Variants in CELF4 observed in about 807,000 individuals in gnomAD.
CELF4 encodes the protein CUGBP Elav-like family member 4.
CELF4 carries 18 observed loss-of-function variants against 59.9 expected under a neutral mutation model. The ratio of observed to expected loss-of-function variants is 0.30; its 90% CI spans 0.21 to 0.45. The LOEUF is 0.45. Among genes scored for constraint, CELF4 ranks in the 20% least tolerant of loss-of-function variants. The probability of loss-of-function intolerance (pLI) is 1.00; values close to 1 mark genes in which losing one functional copy is unlikely to be tolerated. For missense variants in CELF4, 456 were observed against 689.0 expected, an observed-to-expected ratio of 0.66 and a Z score of 3.79; for synonymous variants, 261 against 267.1, an observed-to-expected ratio of 0.98 and a Z score of 0.22.
Position 37,274,337 on chromosome 18 carries a change from C to G in CELF4, c.775G>C (p.Gly259Arg). ...GMFNPMAIPF[G>R]AYGAYAQALM... ...GCCTGAGCGTAGGCGCCGTAGGCCCCGAAAGGGATGGCCATGGGGTTGAAC... is the reference window on the plus strand; with the variant it reads ...GCCTGAGCGTAGGCGCCGTAGGCCCGGAAAGGGATGGCCATGGGGTTGAAC... The change falls in exon 6 of 13, where the codon GGG (glycine) becomes CGG (arginine). Residue 259 changes from glycine (G) to arginine (R), a missense_variant. Around this residue, in one of 7 missense-constraint regions of CELF4, gnomAD observed 256 missense variants for 340.8 expected, o/e 0.75. Coordinates refer to ENST00000420428, the MANE Select transcript of CELF4 (RefSeq NM_020180.4). 1.2e-6 allele frequency: 2 copies of G among 1,613,180 alleles called. No homozygotes were observed. Among genetic ancestry groups the G allele is most frequent in the Non-Finnish European group, 1.7e-6 (2 of 1,179,802 alleles).
intron 2 of CELF4, among the ~76,000 whole-genome samples, chr18:37,353,020 G>A (rs1001534607): frequency 3.9e-5 from 6 of 152,066 alleles, no homozygotes; most frequent in Admixed American, 3.9e-4. Context: ...AGGAGATCGA[G>A]ACCATCCTGG....
intron 2 of CELF4, among the ~76,000 whole-genome samples, chr18:37,483,834 G>A (rs1224658329): frequency 6.6e-6 from 1 of 152,154 alleles, no homozygotes; most frequent in Non-Finnish European, 1.5e-5. Context: ...CCTTTGATAT[G>A]TGACCTTTAA....
At chr18:37,489,152 TTC>T (rs1180713001) in intron 1 of CELF4, among the ~76,000 whole-genome samples, 2 of 152,192 alleles carry the variant, frequency 1.3e-5, no homozygotes, top group African/African-American at 2.4e-5. Context: ...CCCCGGGCCC[TTC>T]CCAGTCCATC....
intron 2 of CELF4, among the ~76,000 whole-genome samples, chr18:37,448,935 CTGTT>C (rs1253443200): frequency 6.6e-6 from 1 of 152,230 alleles, no homozygotes; most frequent in African/African-American, 2.4e-5. Context: ...AGCCAGCTGA[CTGTT>C]TGATGCCAGC....
intron 3 of CELF4, among the ~76,000 whole-genome samples, chr18:37,319,192 A>G (rs2096988515): frequency 6.6e-6 from 1 of 152,098 alleles, no homozygotes; most frequent in Admixed American, 6.5e-5. Context: ...TCCAGGAGAC[A>G]CCCCTCGCAC....
intron 2 of CELF4, among the ~76,000 whole-genome samples, chr18:37,476,065 C>T (rs960086186): frequency 2.0e-5 from 3 of 152,156 alleles, no homozygotes; most frequent in East Asian, 1.9e-4. Flanking sequence ...CAAAGGACTC[C>T]GAAGGTCATC....
chr18:37,254,031 G>T lies in CELF4; in HGVS notation c.1334-93C>A. The T allele has an allele frequency of 1.1e-6, 1 of 910,168 alleles. No homozygotes were observed. Among genetic ancestry groups the T allele is most frequent in the Non-Finnish European group, 1.5e-6 (1 of 676,058 alleles). The allele number at this position is 910,168 out of a possible 1,614,324, so 56.4% of individuals were successfully genotyped here. A position where few individuals can be genotyped will look rare whatever the true frequency, so the allele number is the denominator to read the frequency against. On this transcript the variant is annotated intron_variant, in intron 11 of 12. Transcript: ENST00000420428. The surrounding 1 kb of genome is among the most constrained non-coding windows in gnomAD (Gnocchi z 5.1). ...GGGTCGGGGGACAGGGGGGCGGGGC[G>T]GGCCTGAGGCTCTCCCCCTCGGGCC...
intron 2 of CELF4, among the ~76,000 whole-genome samples, chr18:37,340,486 G>A (rs924534481): frequency 6.6e-6 from 1 of 152,248 alleles, no homozygotes; most frequent in African/African-American, 2.4e-5. Context: ...ACAGGAAGAA[G>A]CTTCAGTGGG....
chr18:37,534,405 G>A (rs558476400), intron 1 of CELF4, among the ~76,000 whole-genome samples: 3 of 152,076 alleles, frequency 2.0e-5, no homozygotes, highest in African/African-American at 7.2e-5. Context: ...GCTGTCCCTC[G>A]GTCCCCACCG....
chr18:37,509,125 T>C (rs1313358413), intron 1 of CELF4, among the ~76,000 whole-genome samples: 1 of 149,518 alleles, frequency 6.7e-6, no homozygotes, highest in Non-Finnish European at 1.5e-5. Context: ...CCCAAATCAC[T>C]TGTACAAAAA....
intron 1 of CELF4, among the ~76,000 whole-genome samples, chr18:37,531,795 C>T (rs915924084): frequency 2.0e-5 from 3 of 152,132 alleles, no homozygotes; most frequent in Non-Finnish European, 4.4e-5. Context: ...GGGGACCAGA[C>T]CTCTAGCACC....
intron 3 of CELF4, among the ~76,000 whole-genome samples, chr18:37,288,636 C>A (rs2095048977): frequency 6.6e-6 from 1 of 152,196 alleles, no homozygotes; most frequent in African/African-American, 2.4e-5. Flanking sequence ...CCCTGCCCTG[C>A]TCACCAGAGG....
chr18:37,546,911 G>A (rs1033147610), intron 1 of CELF4, among the ~76,000 whole-genome samples: 3 of 152,108 alleles, frequency 2.0e-5, no homozygotes, highest in African/African-American at 7.2e-5. Flanking sequence ...TACCTCCAGT[G>A]ACAACCCCTC....
In CELF4 at chr18:37,476,965, T is replaced by C. The variant is rs537430820; in HGVS notation, c.369+8560A>G. Among the ~76,000 whole-genome samples, 106 of 152,348 alleles carry C rather than the reference T, an allele frequency of 7.0e-4. 1 individual carries two copies. Among genetic ancestry groups the C allele is most frequent in the African/African-American group, 2.2e-3 (91 of 41,582 alleles). The stretch of plus-strand genomic sequence containing the variant: ...CATCCATGACCAGAGAGCGAAGCTT[T>C]CTCCTCTTTCCAAATGCACCCCCGC... On this transcript the variant is annotated intron_variant, in intron 2 of 12. Transcript: ENST00000420428.
chr18:37,439,538 G>A (rs550949914), intron 2 of CELF4, among the ~76,000 whole-genome samples: 1 of 152,242 alleles, frequency 6.6e-6, no homozygotes, highest in Admixed American at 6.5e-5. Context: ...CTGACACTGT[G>A]TGCCTTCTTC....
At chr18:37,382,997 CAA>C (rs1329779406) in intron 2 of CELF4, among the ~76,000 whole-genome samples, 1 of 149,740 alleles carries the variant, frequency 6.7e-6, no homozygotes, top group Admixed American at 6.7e-5. Context: ...ATATACATAA[CAA>C]TATTATGTAT....
At position 37,253,104 on chromosome 18, in the gene CELF4, C is replaced by A. The variant is rs1047677888; in HGVS notation, c.*44+663G>T. ...CTGTGTCTTCAGCTCCTAGGCAGGA[C>A]CCAGCCCAGCAGAAAAGGTAACAAC... On this transcript the variant is annotated intron_variant, in intron 12 of 12. Transcript: ENST00000420428. This position sits in a 1 kb window ranked among gnomAD's most constrained non-coding sequence, Gnocchi z 4.5. Among the ~76,000 whole-genome samples the A allele has an allele frequency of 6.6e-6, 1 of 152,140 alleles. No individual in the cohort carries two copies. The highest frequency in any genetic ancestry group is 2.4e-5 in the African/African-American group (1 of 41,428).
chr18:37,497,349 C>A (rs77375273), intron 1 of CELF4, among the ~76,000 whole-genome samples: 1,942 of 152,294 alleles, frequency 0.013, 29 homozygotes, highest in African/African-American at 0.044. Context: ...AGACATACCC[C>A]CTGCTTTAAA....
In CELF4 at chr18:37,565,515, G is replaced by C; in HGVS notation, c.127C>G (p.Pro43Ala). ...TGGTCCTTCATGGGAATGGTCGACG[G>C]GTTCCCCGGGCTGTGGCTTAATCCG... ...MNGLSHSPGN[P>A]STIPMKDHDA... The change falls in exon 1 of 13, where the codon CCG becomes GCG. Residue 43 changes from proline (P) to alanine (A), a missense_variant. Coordinates refer to ENST00000420428, the MANE Select transcript of CELF4 (RefSeq NM_020180.4). The C allele has an allele frequency of 1.2e-6, 2 of 1,614,176 alleles. No homozygotes were observed. The highest frequency in any genetic ancestry group is 2.2e-5 in the East Asian group (1 of 44,876).
Sources: allele counts gnomAD v4.1 joint callset (sites outside exome capture counted in the v4.1 genomes callset), GRCh38; gene constraint gnomAD v4.1.1; regional missense constraint gnomAD v4.1.1; non-coding constraint Gnocchi (gnomAD v3.1); transcripts MANE v1.5; gene names NCBI Gene and HGNC (gene_info 2026-07-23, HGNC 2026-07-21).